C1GALT1: variants seen among roughly 807,000 people sequenced by gnomAD.
C1GALT1 encodes the protein glycoprotein-N-acetylgalactosamine 3-beta-galactosyltransferase 1.
C1GALT1 carries 11 observed loss-of-function variants against 31.0 expected under a neutral mutation model. The ratio of observed to expected loss-of-function variants is 0.36; its 90% CI spans 0.22 to 0.59. The LOEUF (loss-of-function observed/expected upper bound fraction) is 0.59. Among genes scored for constraint, C1GALT1 ranks in the 20% least tolerant of loss-of-function variants. The pLI, the probability that C1GALT1 is intolerant of heterozygous loss-of-function variation, is 0.79. For missense variants in C1GALT1, 424 were observed against 425.2 expected (o/e 1.00, Z 0.03); for synonymous variants, 175 against 143.6 (o/e 1.22, Z -1.56).
chr7:7,184,784 T>C (rs1439230323), intron 1 of C1GALT1, among the ~76,000 whole-genome samples: 1 of 151,958 alleles, frequency 6.6e-6, no homozygotes, highest in Non-Finnish European at 1.5e-5. Context: ...AATACAACCA[T>C]CTTTTCTTTT....
At position 7,200,051 on chromosome 7, in the gene C1GALT1, A is replaced by G. The variant is rs376575627; in HGVS notation, c.-18+17231A>G. ...TTTAGCCCATTTACATTTAAAGTTAATACTGTTAGGTGTGTATTTGATCCT... is the reference window on the plus strand; with the variant it reads ...TTTAGCCCATTTACATTTAAAGTTAGTACTGTTAGGTGTGTATTTGATCCT... On this transcript the variant is annotated intron_variant, in intron 1 of 3. Transcript: ENST00000436587. Among the ~76,000 whole-genome samples, 182 of 152,274 alleles carry G rather than the reference A, an allele frequency of 1.2e-3. 2 individuals are homozygous for G. Among genetic ancestry groups the G allele is most frequent in the South Asian group, 9.9e-3 (48 of 4,826 alleles).
chr7:7,242,580 C>G (rs1287478456), intron 3 of C1GALT1, among the ~76,000 whole-genome samples: 1 of 152,056 alleles, frequency 6.6e-6, no homozygotes, highest in Non-Finnish European at 1.5e-5. Flanking sequence ...TCAGATGGAG[C>G]CTGAAGTTTT....
At chr7:7,220,145 T>C (rs562199797) in intron 1 of C1GALT1, among the ~76,000 whole-genome samples, 2 of 152,274 alleles carry the variant, frequency 1.3e-5, no homozygotes, top group African/African-American at 4.8e-5. Context: ...ATCTTGTCTT[T>C]TGAGTTTTTT....
Position 7,216,247 on chromosome 7 carries a change from C to T in C1GALT1, c.-17-18056C>T, listed in dbSNP as rs114365639. Among the ~76,000 whole-genome samples the T allele has an allele frequency of 6.8e-3, 1,034 of 152,286 alleles. 18 individuals carry two copies. The highest frequency in any genetic ancestry group is 0.024 in the African/African-American group (985 of 41,564). On this transcript the variant is annotated intron_variant, in intron 1 of 3. Transcript: ENST00000436587. ...TAAAAGCATTTTCTTAGTCTCCTTC[C>T]TTTCTGTATGACCCAGAGTGGAGGA...
rs1783787457 is a variant in C1GALT1, at chr7:7,245,055, A to C, written c.*1328A>C. The C allele has an allele frequency of 6.6e-6, 1 of 152,236 alleles. No individual in the cohort carries two copies. Among genetic ancestry groups the C allele is most frequent in the African/African-American group, 2.4e-5 (1 of 41,462 alleles). 9.4% of individuals were successfully genotyped at this position (152,236 alleles called of 1,614,324 possible). ...TTTAAAGAGTTTCTGAAAGGAAAGAAATTTTTTATTTTTATTATCTTTAGC... is the reference window on the plus strand; with the variant it reads ...TTTAAAGAGTTTCTGAAAGGAAAGACATTTTTTATTTTTATTATCTTTAGC... On this transcript the variant is annotated 3_prime_UTR_variant, in exon 4 of 4. Transcript: ENST00000436587.
intron 1 of C1GALT1, among the ~76,000 whole-genome samples, chr7:7,189,410 C>A (rs142335136): frequency 6.6e-6 from 1 of 152,058 alleles, no homozygotes; most frequent in African/African-American, 2.4e-5. Flanking sequence ...TACCAGTTTT[C>A]TTGTATCTGT....
intron 1 of C1GALT1, among the ~76,000 whole-genome samples, chr7:7,187,182 A>G (rs938732055): frequency 1.3e-5 from 2 of 152,098 alleles, no homozygotes; most frequent in Admixed American, 1.3e-4. Flanking sequence ...TTTTCATCCC[A>G]CTCCAGTTAC....
intron 2 of C1GALT1, 176 bp downstream of exon 2, chr7:7,234,715 A>G (rs1316894516): frequency 5.5e-6 from 3 of 541,064 alleles, no homozygotes; most frequent in African/African-American, 3.8e-5. Flanking sequence ...AGGGAATAAG[A>G]TATTAATTTT....
intron 1 of C1GALT1, among the ~76,000 whole-genome samples, chr7:7,210,850 T>G (rs747041812): frequency 1.3e-5 from 2 of 152,228 alleles, no homozygotes; most frequent in Non-Finnish European, 2.9e-5. Context: ...GGCCTGGCTT[T>G]AACAGCCGTG....
chr7:7,243,387 A>T, intron 3 of C1GALT1, 137 bp from the exon 4 acceptor site: 1 of 674,920 alleles, frequency 1.5e-6, no homozygotes, highest in Admixed American at 3.1e-5. Flanking sequence ...GGTCTAGTAC[A>T]TTAGGTTCCT....
At chr7:7,235,764 T>C (rs2128249663) in intron 2 of C1GALT1, among the ~76,000 whole-genome samples, 1 of 152,378 alleles carries the variant, frequency 6.6e-6, no homozygotes, top group South Asian at 2.1e-4. Context: ...TCCTCTATTC[T>C]TTCTTTTATA....
intron 1 of C1GALT1, among the ~76,000 whole-genome samples, chr7:7,197,969 T>G (rs1298854136): frequency 2.0e-5 from 3 of 152,210 alleles, no homozygotes; most frequent in Non-Finnish European, 4.4e-5. Flanking sequence ...TACACAATCA[T>G]GTCATTTGCA....
rs1783848048 is a variant in C1GALT1, at chr7:7,246,434, T to C, written c.*2707T>C. 2 of 152,206 alleles carry C rather than the reference T, an allele frequency of 1.3e-5. No homozygotes were observed. The allele number at this position is 152,206 out of a possible 1,614,324, so 9.4% of individuals were successfully genotyped here. A position where few individuals can be genotyped will look rare whatever the true frequency, so the allele number is the denominator to read the frequency against. ...CAAATTGTCACAGTGATTCTTAAACTGTGGTTCTCACACTTGCCCAGGATG... is the reference window on the plus strand; with the variant it reads ...CAAATTGTCACAGTGATTCTTAAACCGTGGTTCTCACACTTGCCCAGGATG... On this transcript the variant is annotated 3_prime_UTR_variant, in exon 4 of 4. Coordinates refer to ENST00000436587, the MANE Select transcript of C1GALT1 (RefSeq NM_020156.5).
At chr7:7,186,143 C>CTCTTTCTT (rs55889775) in intron 1 of C1GALT1, among the ~76,000 whole-genome samples, 34 of 151,078 alleles carry the variant, frequency 2.3e-4, no homozygotes, top group African/African-American at 6.8e-4. Context: ...TAGCCCAGAA[C>CTCTTTCTT]TCTTTCTTTC....
At chr7:7,158,357 T>C (rs1780296173) in intron 2 of C1GALT1, among the ~76,000 whole-genome samples, 1 of 152,164 alleles carries the variant, frequency 6.6e-6, no homozygotes, top group South Asian at 2.1e-4. Flanking sequence ...CTGAGTTTTA[T>C]GTTGAATAGA....
chr7:7,236,605 T>C (rs1783366381), intron 2 of C1GALT1, among the ~76,000 whole-genome samples: 1 of 152,076 alleles, frequency 6.6e-6, no homozygotes, highest in Non-Finnish European at 1.5e-5. Context: ...CACTGCAACC[T>C]CCGCCTCCCG....
intron 1 of C1GALT1, among the ~76,000 whole-genome samples, chr7:7,207,882 G>A (rs77076995): frequency 0.037 from 5,570 of 151,626 alleles, 209 homozygotes; most frequent in African/African-American, 0.1. Context: ...CTGTGCCTGT[G>A]CCTTAAGCTG....
chr7:7,179,644 CA>C (rs1780547559), upstream of C1GALT1, among the ~76,000 whole-genome samples: 1 of 152,110 alleles, frequency 6.6e-6, no homozygotes, highest in South Asian at 2.1e-4. Context: ...TTACAACAGA[CA>C]ATAACAAAAT....
At chr7:7,208,383 A>G (rs1781844357) in intron 1 of C1GALT1, among the ~76,000 whole-genome samples, 2 of 152,110 alleles carry the variant, frequency 1.3e-5, no homozygotes, top group Admixed American at 1.3e-4. Context: ...AAAACATAGT[A>G]CGTGTAAGGT....
Sources: gnomAD v4.1 joint callset for allele counts (sites outside exome capture counted in the v4.1 genomes callset) on GRCh38, gnomAD v4.1.1 for gene constraint, MANE v1.5 for transcripts, NCBI Gene and HGNC (gene_info 2026-07-23, HGNC 2026-07-21) for gene names.